SORCS1: variants seen among roughly 807,000 people sequenced by gnomAD.
The protein encoded by SORCS1 is sortilin related VPS10 domain containing receptor 1, also known as VPS10 domain-containing receptor SorCS1.
SORCS1 carries 60 observed loss-of-function variants against 146.1 expected under a neutral mutation model. The observed-to-expected ratio is 0.41, with a 90% confidence interval of 0.33 to 0.51. The LOEUF (loss-of-function observed/expected upper bound fraction) is 0.51, where lower values mean the gene tolerates loss of function less well. Among genes scored for constraint, SORCS1 ranks in the 20% least tolerant of loss-of-function variants. The pLI is 0.21. For synonymous variants in SORCS1, 637 were observed against 584.0 expected, an observed-to-expected ratio of 1.09 and a Z score of -1.31; for missense variants, 1,352 against 1,487.6, an observed-to-expected ratio of 0.91 and a Z score of 1.50.
At chr10:106,930,739 T>C (rs1233720799) in intron 2 of SORCS1, among the ~76,000 whole-genome samples, 1 of 152,202 alleles carries the variant, frequency 6.6e-6, no homozygotes, top group Non-Finnish European at 1.5e-5. Context: ...CTTTTTCTTT[T>C]TTTAATAATA....
chr10:106,861,828 G>A (rs893904281), intron 2 of SORCS1, among the ~76,000 whole-genome samples: 1 of 152,098 alleles, frequency 6.6e-6, no homozygotes, highest in Admixed American at 6.5e-5. Flanking sequence ...GGCAGAGGCT[G>A]CAGTGAGCCA....
chr10:106,600,273 ATC>A, intron 23 of SORCS1: 1 of 934,502 alleles, frequency 1.1e-6, no homozygotes, highest in Non-Finnish European at 1.3e-6. Context: ...CATTGGCTCT[ATC>A]TGTGTCACTT....
intron 3 of SORCS1, among the ~76,000 whole-genome samples, chr10:106,812,849 A>G (rs970249119): frequency 5.4e-4 from 83 of 152,342 alleles, no homozygotes; most frequent in African/African-American, 1.9e-3. Flanking sequence ...TAATGGTAGT[A>G]TATCTCAAAG....
chr10:107,085,178 G>A (rs899273488), intron 1 of SORCS1, among the ~76,000 whole-genome samples: 2 of 152,194 alleles, frequency 1.3e-5, no homozygotes, highest in African/African-American at 4.8e-5. Context: ...AGACAGAGAT[G>A]TCACTAAATA....
chr10:107,006,775 C>T (rs543332545), intron 1 of SORCS1, among the ~76,000 whole-genome samples: 2 of 152,314 alleles, frequency 1.3e-5, no homozygotes, highest in East Asian at 3.9e-4. Flanking sequence ...CGAGATTGTG[C>T]CACTGCATTC....
At chr10:106,834,550 G>GA (rs1253906360) in intron 2 of SORCS1, among the ~76,000 whole-genome samples, 7 of 148,132 alleles carry the variant, frequency 4.7e-5, no homozygotes, top group South Asian at 2.1e-4. Context: ...CAAAGACAAA[G>GA]AAAAAAAAAG....
intron 1 of SORCS1, among the ~76,000 whole-genome samples, chr10:107,159,018 G>A (rs1194357820): frequency 3.3e-5 from 5 of 150,876 alleles, no homozygotes; most frequent in African/African-American, 4.9e-5. Context: ...TTTTGGGGGG[G>A]AAGGGGGGTC....
In SORCS1 at chr10:106,800,508, T is replaced by C. The variant is rs990194826; in HGVS notation, c.727-23816A>G. Among the ~76,000 whole-genome samples the C allele has an allele frequency of 9.7e-4, 138 of 142,532 alleles. 1 individual carries two copies. Among genetic ancestry groups the C allele is most frequent in the African/African-American group, 3.4e-3 (132 of 38,842 alleles). 93.5% of individuals were successfully genotyped at this position (142,532 alleles called of 152,430 possible). A position where few individuals can be genotyped will look rare whatever the true frequency, so the allele number is the denominator to read the frequency against. On this transcript the variant is annotated intron_variant, in intron 3 of 25. Transcript: ENST00000263054. ...GGCCAAAAGATACATAGGTTCTAGG[T>C]GAATCTTTTTTTTTTTTTTTTTTTT...
rs1363755930 is a variant in SORCS1 at position 106,994,609 on chromosome 10, A to G, written c.559-38029T>C. ...GTTGATTAAAACTATTTCAGACAGA[A>G]GTATATGCCACTGAGCTGTTTCTGC... is the stretch of plus-strand genomic sequence containing the variant. On this transcript the variant is annotated intron_variant, in intron 1 of 25. Transcript: ENST00000263054. Among the ~76,000 whole-genome samples the G allele has an allele frequency of 2.6e-5, 4 of 152,248 alleles. No homozygotes were observed. In the East Asian group the frequency reaches 7.7e-4, roughly 29 times the overall value.
At chr10:106,611,852 A>G (rs922444860) in intron 22 of SORCS1, 59 bp downstream of exon 22, 14 of 1,306,674 alleles carry the variant, frequency 1.1e-5, no homozygotes, top group African/African-American at 1.5e-5. Context: ...TTTCTGTGAA[A>G]TTCTTCAAGG....
intron 3 of SORCS1, among the ~76,000 whole-genome samples, chr10:106,824,953 T>C (rs1174556714): frequency 6.6e-6 from 1 of 152,152 alleles, no homozygotes; most frequent in Non-Finnish European, 1.5e-5. Flanking sequence ...GAACAAATAC[T>C]GTCTAGTTTT....
intron 20 of SORCS1, 51 bp from the exon 21 acceptor site, chr10:106,618,323 G>T (rs1847514575): frequency 6.3e-7 from 1 of 1,599,406 alleles, no homozygotes; most frequent in African/African-American, 1.3e-5. Context: ...AGTTACAGGT[G>T]ACACAGCCAC....
intron 17 of SORCS1, among the ~76,000 whole-genome samples, chr10:106,654,196 A>C (rs1426346846): frequency 6.6e-6 from 1 of 152,204 alleles, no homozygotes; most frequent in Non-Finnish European, 1.5e-5. Context: ...ATATTTAGAG[A>C]GTGCTTACTA....
intron 3 of SORCS1, among the ~76,000 whole-genome samples, chr10:106,782,033 G>A (rs759482575): frequency 6.6e-5 from 10 of 152,146 alleles, no homozygotes; most frequent in Admixed American, 4.6e-4. Flanking sequence ...CAAACTCAGC[G>A]AAGCTTACCT....
At chr10:106,921,525 C>A (rs937917867) in intron 2 of SORCS1, among the ~76,000 whole-genome samples, 30 of 152,116 alleles carry the variant, frequency 2.0e-4, no homozygotes, top group Admixed American at 9.2e-4. Context: ...GATTGAAGAG[C>A]GCAAATCGTA....
chr10:106,642,658 A>G (rs1329468095), intron 18 of SORCS1, among the ~76,000 whole-genome samples: 1 of 152,068 alleles, frequency 6.6e-6, no homozygotes, highest in Non-Finnish European at 1.5e-5. Flanking sequence ...CAAGCCTCTG[A>G]AGAAATACAC....
chr10:107,123,498 C>A (rs1966521776), intron 1 of SORCS1, among the ~76,000 whole-genome samples: 1 of 152,072 alleles, frequency 6.6e-6, no homozygotes, highest in Non-Finnish European at 1.5e-5. Context: ...GTACTTAGCA[C>A]AAGAGAGAAA....
At chr10:106,648,121 C>G (rs1282493944) in intron 18 of SORCS1, among the ~76,000 whole-genome samples, 2 of 152,128 alleles carry the variant, frequency 1.3e-5, no homozygotes, top group Non-Finnish European at 2.9e-5. Context: ...CTTGGCCTCC[C>G]AAAATGTTGG....
At chr10:106,687,999 T>G (rs1289360250) in intron 10 of SORCS1, among the ~76,000 whole-genome samples, 193 bp downstream of exon 10, 5 of 152,228 alleles carry the variant, frequency 3.3e-5, no homozygotes, top group African/African-American at 9.7e-5. Context: ...AATATGCCCA[T>G]GTTCTCCCAT....
Sources: gnomAD v4.1 joint callset for allele counts (sites outside exome capture counted in the v4.1 genomes callset) on GRCh38, gnomAD v4.1.1 for gene constraint, MANE v1.5 for transcripts, NCBI Gene and HGNC (gene_info 2026-07-23, HGNC 2026-07-21) for gene names.